The following DACH2 variants were observed in gnomAD, a reference collection of about 807,000 sequenced individuals.
The protein encoded by DACH2 is dachshund family transcription factor 2, also known as dachshund homolog 2.
Under a neutral mutation model 35.8 loss-of-function variants are expected in DACH2, and 17 were observed. The ratio of observed to expected loss-of-function variants is 0.48; its 90% CI spans 0.33 to 0.71. The LOEUF (loss-of-function observed/expected upper bound fraction) is 0.71, where lower values mean the gene tolerates loss of function less well. DACH2 is among the 30% of genes least tolerant of loss of function. The probability of loss-of-function intolerance (pLI) is 0.02; values close to 1 mark genes in which losing one functional copy is unlikely to be tolerated. For synonymous variants in DACH2, 195 were observed against 177.3 expected (o/e 1.10, Z -0.79); for missense variants, 469 against 472.7 (o/e 0.99, Z 0.07).
chrX:86,395,364 T>C (rs1020854808), intron 2 of DACH2, among the ~76,000 whole-genome samples: 2 of 111,176 alleles, frequency 1.8e-5, no homozygotes, highest in Admixed American at 9.6e-5. Context: ...ATTTGTTATA[T>C]ATATTATATT....
chrX:86,395,140 A>G (rs67968942), intron 2 of DACH2, among the ~76,000 whole-genome samples: 4,659 of 111,060 alleles, frequency 0.042, 106 homozygotes, highest in East Asian at 0.23. Flanking sequence ...GAAAGGTTAC[A>G]TGAACATCCT....
chrX:86,387,606 G>GTAAAACCA (rs1388293688), intron 2 of DACH2, among the ~76,000 whole-genome samples: 1 of 111,638 alleles, frequency 9.0e-6, no homozygotes, highest in African/African-American at 3.3e-5. Context: ...GCAAAAATGA[G>GTAAAACCA]TAAAACCAAA....
chrX:86,461,323 A>C (rs181902471), intron 2 of DACH2, among the ~76,000 whole-genome samples: 1 of 111,624 alleles, frequency 9.0e-6, no homozygotes, highest in Admixed American at 9.6e-5. Context: ...ATAAATTCTG[A>C]ATGCTGTTAA....
chrX:86,427,789 G>C (rs1330116944), intron 2 of DACH2, among the ~76,000 whole-genome samples: 4 of 111,810 alleles, frequency 3.6e-5, no homozygotes, highest in Non-Finnish European at 5.7e-5. Flanking sequence ...AACAACTAAA[G>C]TCAAAGAAAT....
At chrX:86,562,575 T>C (rs1414817926) in intron 3 of DACH2, among the ~76,000 whole-genome samples, 5 of 111,718 alleles carry the variant, frequency 4.5e-5, no homozygotes, top group Non-Finnish European at 9.4e-5. Context: ...CTTAAAATTG[T>C]ATACACATAT....
chrX:86,372,783 A>G lies in DACH2; in HGVS notation c.489-4041A>G, dbSNP rs144258745. ...TGATCCTGTCACTCAGGTAGAGAGC[A>G]TAGTACCTAATAGGGAATTTTTCAG... On this transcript the variant is annotated intron_variant, in intron 1 of 11. Coordinates refer to ENST00000373125, the MANE Select transcript of DACH2 (RefSeq NM_053281.3). Among the ~76,000 whole-genome samples the G allele has an allele frequency of 1.5e-3, 165 of 111,100 alleles. 1 individual carries two copies. The highest frequency in any genetic ancestry group is 5.1e-3 in the African/African-American group (155 of 30,659).
chrX:86,829,123 C>T (rs1048562556), intron 11 of DACH2: 1 of 111,552 alleles, frequency 9.0e-6, no homozygotes, highest in African/African-American at 3.3e-5. Flanking sequence ...TCAGTAATTC[C>T]AAGCTCTGAA....
intron 1 of DACH2, among the ~76,000 whole-genome samples, chrX:86,201,218 T>G (rs1305772189): frequency 1.0e-5 from 1 of 98,210 alleles, no homozygotes; most frequent in Non-Finnish European, 2.0e-5. Flanking sequence ...TTCTCACTTA[T>G]AAGGGGGAGC....
chrX:86,294,920 A>G (rs1243308934), intron 1 of DACH2, among the ~76,000 whole-genome samples: 2 of 111,064 alleles, frequency 1.8e-5, no homozygotes, highest in African/African-American at 6.6e-5. Flanking sequence ...AGAGGCAGGC[A>G]GGCCTCCTTG....
At chrX:86,354,848 G>GAAA (rs1200395225) in intron 1 of DACH2, among the ~76,000 whole-genome samples, 1,003 of 14,247 alleles carry the variant, frequency 0.07, 324 homozygotes, top group African/African-American at 0.32. Flanking sequence ...AAAAATAAAT[G>GAAA]AAAAAAAAAA....
chrX:86,535,710 G>GA (rs779347731), intron 3 of DACH2, among the ~76,000 whole-genome samples: 74 of 107,236 alleles, frequency 6.9e-4, no homozygotes, highest in East Asian at 1.5e-3. Context: ...CTGACAGAGA[G>GA]AAAAAAAAAC....
At chrX:86,453,476 C>T (rs2037418965) in intron 2 of DACH2, among the ~76,000 whole-genome samples, 1 of 111,365 alleles carries the variant, frequency 9.0e-6, no homozygotes, top group African/African-American at 3.3e-5. Context: ...TAAGAACTTG[C>T]TTTATGAATC....
intron 1 of DACH2, among the ~76,000 whole-genome samples, chrX:86,232,683 A>G (rs2032975105): frequency 8.9e-6 from 1 of 112,273 alleles, no homozygotes; most frequent in Non-Finnish European, 1.9e-5. Flanking sequence ...AAGTAAACAA[A>G]CAAACAAACA....
chrX:86,824,207 G>A (rs966891587), intron 11 of DACH2, among the ~76,000 whole-genome samples: 5 of 110,566 alleles, frequency 4.5e-5, no homozygotes, highest in Non-Finnish European at 9.4e-5. Context: ...GCCGTTTATA[G>A]ACCTCCCCCC....
intron 1 of DACH2, among the ~76,000 whole-genome samples, chrX:86,203,239 T>G (rs1218058789): frequency 1.8e-5 from 2 of 111,541 alleles, no homozygotes; most frequent in Non-Finnish European, 3.8e-5. Flanking sequence ...TAAAAAGGCT[T>G]ACTATACAGA....
At chrX:86,637,085 A>G (rs2040276833) in intron 3 of DACH2, among the ~76,000 whole-genome samples, 2 of 105,887 alleles carry the variant, frequency 1.9e-5, no homozygotes, top group African/African-American at 6.9e-5. Flanking sequence ...TCAAAAGAAG[A>G]CACACATGCA....
chrX:86,822,947 T>G (rs1314988584), intron 11 of DACH2, among the ~76,000 whole-genome samples: 1 of 111,885 alleles, frequency 8.9e-6, no homozygotes, highest in African/African-American at 3.2e-5. Flanking sequence ...CTATCTAATT[T>G]TACATTTTAT....
chrX:86,660,735 C>T (rs911736223), intron 4 of DACH2, among the ~76,000 whole-genome samples: 4 of 111,265 alleles, frequency 3.6e-5, no homozygotes, highest in African/African-American at 6.5e-5. Context: ...TTTTGAGTAT[C>T]TACCTCTTTA....
At chrX:86,159,993 A>G (rs1341916924) in intron 1 of DACH2, among the ~76,000 whole-genome samples, 1 of 110,522 alleles carries the variant, frequency 9.0e-6, no homozygotes, top group Non-Finnish European at 1.9e-5. Context: ...AGTTGTTTCC[A>G]TTAAAAAGTA....
Sources: gnomAD v4.1 joint callset for allele counts (sites outside exome capture counted in the v4.1 genomes callset) on GRCh38, gnomAD v4.1.1 for gene constraint, MANE v1.5 for transcripts, NCBI Gene and HGNC (gene_info 2026-07-23, HGNC 2026-07-21) for gene names.